The following PRKG1 variants were observed in gnomAD, a reference collection of about 807,000 sequenced individuals.
The protein encoded by PRKG1 is protein kinase cGMP-dependent 1, also known as cGMP-dependent protein kinase 1.
PRKG1 carries 35 observed loss-of-function variants against 88.1 expected under a neutral mutation model. The observed-to-expected ratio is 0.40, with a 90% CI of 0.30 to 0.53. The LOEUF is 0.53. Among genes scored for constraint, PRKG1 ranks in the 20% least tolerant of loss-of-function variants. The pLI is 0.59. For synonymous variants in PRKG1, 303 were observed against 292.5 expected, an observed-to-expected ratio of 1.04 and a Z score of -0.37; for missense variants, 540 against 839.8, an observed-to-expected ratio of 0.64 and a Z score of 4.41.
intron 4 of PRKG1, among the ~76,000 whole-genome samples, chr10:51,821,983 G>T (rs1469046564): frequency 6.6e-6 from 1 of 152,006 alleles, no homozygotes; most frequent in Non-Finnish European, 1.5e-5. Flanking sequence ...AATCAGTATG[G>T]TGAAGAGATA....
At chr10:51,439,012 T>TAAAA (rs143701501) in intron 2 of PRKG1, among the ~76,000 whole-genome samples, 103 of 150,188 alleles carry the variant, frequency 6.9e-4, no homozygotes, top group Middle Eastern at 3.4e-3. Flanking sequence ...TTTTTTTTTT[T>TAAAA]AAAAAAAAAG....
At chr10:51,781,095 G>T (rs955828305) in intron 3 of PRKG1, among the ~76,000 whole-genome samples, 3 of 151,976 alleles carry the variant, frequency 2.0e-5, no homozygotes, top group African/African-American at 7.3e-5. Context: ...TGATTACTGT[G>T]TTCTATCTAG....
chr10:52,014,997 G>A (rs553528650), intron 5 of PRKG1, among the ~76,000 whole-genome samples: 1 of 152,362 alleles, frequency 6.6e-6, no homozygotes, highest in Admixed American at 6.5e-5. Context: ...TAGAGTGCCT[G>A]TGGCTTTTCC....
intron 2 of PRKG1, among the ~76,000 whole-genome samples, 174 bp downstream of exon 2, chr10:51,153,504 A>T (rs1401422148): frequency 1.3e-5 from 2 of 152,004 alleles, no homozygotes; most frequent in Non-Finnish European, 2.9e-5. Flanking sequence ...TAATTATGGG[A>T]AGTGTTTGTA....
intron 2 of PRKG1, among the ~76,000 whole-genome samples, chr10:51,194,096 C>T (rs1837699400): frequency 1.3e-5 from 2 of 152,106 alleles, no homozygotes; most frequent in Non-Finnish European, 2.9e-5. Context: ...ACTATGTTAT[C>T]ACTTTTTCTC....
In PRKG1 at chr10:51,936,251, T is replaced by A. The variant is rs1238291109; in HGVS notation, c.762+28681T>A. Among the ~76,000 whole-genome samples the A allele has an allele frequency of 3.9e-5, 6 of 152,210 alleles. 1 individual carries two copies. The highest frequency in any genetic ancestry group is 1.3e-4 in the Admixed American group (2 of 15,250). On this transcript the variant is annotated intron_variant, in intron 5 of 17. Coordinates refer to ENST00000373980, the MANE Select transcript of PRKG1 (RefSeq NM_006258.4). ...TTTATATCTCTATCATAGCAATTTATGTGCCATTATTATGAATCCTTAATT... is the reference window on the plus strand; with the variant it reads ...TTTATATCTCTATCATAGCAATTTAAGTGCCATTATTATGAATCCTTAATT...
At chr10:52,039,348 G>T (rs996284683) in intron 5 of PRKG1, among the ~76,000 whole-genome samples, 3 of 152,120 alleles carry the variant, frequency 2.0e-5, no homozygotes, top group African/African-American at 7.2e-5. Flanking sequence ...TTTTGAGCCA[G>T]GATGAGCCAG....
At chr10:51,868,229 G>C (rs1376465718) in intron 4 of PRKG1, among the ~76,000 whole-genome samples, 1 of 152,170 alleles carries the variant, frequency 6.6e-6, no homozygotes. Context: ...CTTTCCAAGA[G>C]AAGAGAACAA....
chr10:51,477,819 G>A (rs781489675), intron 3 of PRKG1, among the ~76,000 whole-genome samples: 3 of 152,014 alleles, frequency 2.0e-5, no homozygotes, highest in African/African-American at 7.2e-5. Context: ...CCACGATCCA[G>A]AGACTGGAGG....
intron 3 of PRKG1, among the ~76,000 whole-genome samples, chr10:51,535,317 A>G (rs1190599834): frequency 6.6e-6 from 1 of 152,172 alleles, no homozygotes; most frequent in Non-Finnish European, 1.5e-5. Context: ...TCTGTTTCCT[A>G]GTCATAAAAA....
intron 2 of PRKG1, among the ~76,000 whole-genome samples, chr10:51,420,765 C>G (rs368765072): frequency 6.6e-6 from 1 of 152,162 alleles, no homozygotes; most frequent in South Asian, 2.1e-4. Context: ...TTAATTGGCT[C>G]ACAGTTCTGC....
At chr10:52,108,443 A>G (rs1447901008) in intron 7 of PRKG1, among the ~76,000 whole-genome samples, 1 of 152,140 alleles carries the variant, frequency 6.6e-6, no homozygotes, top group East Asian at 1.9e-4. Context: ...CTCTTGTTTC[A>G]TATTCAAACA....
Position 51,818,800 on chromosome 10 carries a change from G to T in PRKG1, c.698+14110G>T, listed in dbSNP as rs1466127313. Among the ~76,000 whole-genome samples, 5 of 100,458 alleles carry T rather than the reference G, an allele frequency of 5.0e-5. 1 individual carries two copies. Among genetic ancestry groups the T allele is most frequent in the African/African-American group, 1.6e-4 (2 of 12,644 alleles). 65.9% of individuals were successfully genotyped at this position (100,458 alleles called of 152,430 possible). A position where few individuals can be genotyped will look rare whatever the true frequency, so the allele number is the denominator to read the frequency against. ...AGGCGGGCGGATCACGAGGTCAGGA[G>T]ATCGAGACCATCCTGGCTAAAACAG... is the stretch of plus-strand genomic sequence containing the variant. On this transcript the variant is annotated intron_variant, in intron 4 of 17. Coordinates refer to ENST00000373980, the MANE Select transcript of PRKG1 (RefSeq NM_006258.4).
chr10:51,983,334 G>T (rs1844063760), intron 5 of PRKG1, among the ~76,000 whole-genome samples: 2 of 152,130 alleles, frequency 1.3e-5, no homozygotes, highest in South Asian at 4.1e-4. Flanking sequence ...GTGGGAGGTG[G>T]CCATGGGGAG....
chr10:51,254,783 T>G (rs1839514763), intron 2 of PRKG1, among the ~76,000 whole-genome samples: 1 of 151,998 alleles, frequency 6.6e-6, no homozygotes, highest in South Asian at 2.1e-4. Flanking sequence ...GAAGAAAAAC[T>G]GAGATTTTCA....
chr10:51,957,067 CCT>C (rs747117012), intron 5 of PRKG1, among the ~76,000 whole-genome samples: 2 of 148,252 alleles, frequency 1.3e-5, no homozygotes, highest in East Asian at 2.0e-4. Context: ...CTCCCCATCT[CCT>C]CTCTCTCTTT....
intron 3 of PRKG1, among the ~76,000 whole-genome samples, chr10:51,684,764 G>C (rs890855865): frequency 2.0e-5 from 3 of 152,100 alleles, no homozygotes; most frequent in African/African-American, 4.8e-5. Flanking sequence ...CTACTCAAGA[G>C]ACTGAGGTGG....
intron 5 of PRKG1, among the ~76,000 whole-genome samples, chr10:52,024,041 TTTAGGTC>T (rs1256531819): frequency 2.0e-5 from 3 of 152,308 alleles, no homozygotes; most frequent in Middle Eastern, 3.4e-3. Context: ...TTTTTATGGT[TTTAGGTC>T]TTATGTTTAA....
At chr10:51,872,097 C>T (rs1841173125) in intron 4 of PRKG1, among the ~76,000 whole-genome samples, 1 of 152,156 alleles carries the variant, frequency 6.6e-6, no homozygotes, top group Non-Finnish European at 1.5e-5. Context: ...GTTTTGCGTA[C>T]TTCATCTCCG....
Sources: gnomAD v4.1 joint callset for allele counts (sites outside exome capture counted in the v4.1 genomes callset) on GRCh38, gnomAD v4.1.1 for gene constraint, MANE v1.5 for transcripts, NCBI Gene and HGNC (gene_info 2026-07-23, HGNC 2026-07-21) for gene names.